CTSS: variants seen among roughly 807,000 people sequenced by gnomAD.
CTSS encodes the protein cathepsin S.
CTSS carries 15 observed loss-of-function variants against 39.9 expected under a neutral mutation model. The observed-to-expected ratio is 0.38, with a 90% confidence interval of 0.25 to 0.58. The LOEUF (loss-of-function observed/expected upper bound fraction) is 0.58, where lower values mean the gene tolerates loss of function less well. Among genes scored for constraint, CTSS ranks in the 20% least tolerant of loss-of-function variants. The pLI is 0.70. For synonymous variants in CTSS, 126 were observed against 138.2 expected (o/e 0.91, Z 0.62); for missense variants, 250 against 398.2 (o/e 0.63, Z 3.17).
chr1:150,750,615 A>G (rs1652989045), intron 5 of CTSS, among the ~76,000 whole-genome samples: 1 of 152,178 alleles, frequency 6.6e-6, no homozygotes, highest in African/African-American at 2.4e-5. Context: ...TTTGTTGTAT[A>G]TACAACTATT....
chr1:150,763,202 C>G (rs1310950188), intron 2 of CTSS, among the ~76,000 whole-genome samples: 2 of 151,704 alleles, frequency 1.3e-5, no homozygotes, highest in Non-Finnish European at 2.9e-5. Flanking sequence ...AAGACAAGTA[C>G]TGCATAATCT....
chr1:150,761,036 A>G (rs890604094), intron 2 of CTSS, among the ~76,000 whole-genome samples: 1 of 151,828 alleles, frequency 6.6e-6, no homozygotes, highest in Non-Finnish European at 1.5e-5. Context: ...AAAATTAGCT[A>G]GGTGTGGTGG....
At chr1:150,735,114 G>C (rs2101908472) in intron 7 of CTSS, among the ~76,000 whole-genome samples, 1 of 152,306 alleles carries the variant, frequency 6.6e-6, no homozygotes. Flanking sequence ...TAGAACAGCA[G>C]GTGGAGGAAC....
chr1:150,764,824 T>G, intron 1 of CTSS, 60 bp from the exon 2 acceptor site: 1 of 1,580,832 alleles, frequency 6.3e-7, no homozygotes, highest in Non-Finnish European at 8.7e-7. Flanking sequence ...TGTGACCACA[T>G]GTTTTCATAA....
At position 150,747,899 on chromosome 1, in the gene CTSS, G is replaced by A. The variant is rs771589626; in HGVS notation, c.794-20C>T. 8.0e-6 allele frequency: 12 copies of A among 1,499,384 alleles called. No individual in the cohort carries two copies. The South Asian group carries it at 1.4e-4, about 17-fold the overall frequency. The allele number at this position is 1,499,384 out of a possible 1,614,324, so 92.9% of individuals were successfully genotyped here. ...AGACACCTGAGAATCAAATATGGGT[G>A]GGAAAAAAGAGTGAATACTATAGGA... On this transcript the variant is annotated intron_variant, in intron 6 of 7. Coordinates refer to ENST00000368985, the MANE Select transcript of CTSS (RefSeq NM_004079.5).
rs751778908 is a variant in CTSS at position 150,764,721 on chromosome 1, C to G, written c.43G>C (p.Val15Leu). The G allele has an allele frequency of 6.2e-7, 1 of 1,614,106 alleles. No individual in the cohort carries two copies. Among genetic ancestry groups the G allele is most frequent in the Non-Finnish European group, 8.5e-7 (1 of 1,179,998 alleles). ...VCVLLVCSSA[V>L]AQLHKDPTLD... The stretch of plus-strand genomic sequence containing the variant: ...GTAGGATCTTTATGCAACTGTGCCA[C>G]TGCAGAGGAGCACACCAAGAGCACA... Residue 15 changes from valine (V) to leucine (L), a missense_variant, in exon 2 of 8, where the codon GTG becomes CTG. Physicochemically the swap from Val to Leu is conservative, Grantham distance 32. Coordinates refer to ENST00000368985, the MANE Select transcript of CTSS (RefSeq NM_004079.5).
chr1:150,757,584 T>A (rs1206245985), intron 3 of CTSS, among the ~76,000 whole-genome samples: 1 of 152,110 alleles, frequency 6.6e-6, no homozygotes, highest in Non-Finnish European at 1.5e-5. Context: ...CTTTAGGTAA[T>A]ACTTTCTAGA....
chr1:150,765,281 T>C (rs1397895203), intron 1 of CTSS, among the ~76,000 whole-genome samples: 1 of 144,488 alleles, frequency 6.9e-6, no homozygotes, highest in Non-Finnish European at 1.5e-5. Flanking sequence ...TAATTTTCCT[T>C]TTTACGTTTT....
At chr1:150,749,641 TTCTC>T (rs922445905) in intron 6 of CTSS, among the ~76,000 whole-genome samples, 2 of 144,904 alleles carry the variant, frequency 1.4e-5, no homozygotes, top group African/African-American at 2.5e-5. Context: ...TCTTCCTTCT[TTCTC>T]TTTCTTTCTT....
intron 2 of CTSS, among the ~76,000 whole-genome samples, chr1:150,762,181 A>T (rs978049325): frequency 6.6e-6 from 1 of 152,222 alleles, no homozygotes; most frequent in Non-Finnish European, 1.5e-5. Flanking sequence ...TGGGGAAAGG[A>T]TAGTCTGTTT....
At chr1:150,751,739 A>G in intron 5 of CTSS, 42 bp downstream of exon 5, 1 of 1,571,542 alleles carries the variant, frequency 6.4e-7, no homozygotes, top group Non-Finnish European at 8.8e-7. Context: ...AGTGGATAAC[A>G]TGAGATCATG....
At chr1:150,742,034 C>A (rs587616457) in intron 7 of CTSS, among the ~76,000 whole-genome samples, 25 of 151,754 alleles carry the variant, frequency 1.6e-4, no homozygotes, top group African/African-American at 6.0e-4. Context: ...GTCAAGAGAT[C>A]GAGATCATCC....
At chr1:150,764,900 T>C (rs1199764331) in intron 1 of CTSS, 136 bp from the exon 2 acceptor site, 2 of 1,003,406 alleles carry the variant, frequency 2.0e-6, no homozygotes, top group South Asian at 1.7e-5. Flanking sequence ...TACAGGAAAA[T>C]TCCTGGGATA....
chr1:150,733,206 T>C (rs1652562208), intron 7 of CTSS, 61 bp from the exon 8 acceptor site: 1 of 1,270,566 alleles, frequency 7.9e-7, no homozygotes, highest in East Asian at 2.4e-5. Flanking sequence ...GTTATCAACT[T>C]TTTATCTCAT....
rs1211748091 is a variant in CTSS at position 150,755,057 on chromosome 1, A to G, written c.343T>C (p.Leu115=). The change falls in exon 4 of 8, where the codon TTG becomes CTG. Residue 115 remains leucine, a synonymous_variant. Transcript: ENST00000368985. The stretch of plus-strand genomic sequence containing the variant: ...TCTCTCCAGTCCACAGAATCAGGCA[A>G]TATCCGATTAGGGTTTGACTTATAT... ...ITYKSNPNRI[L]PDSVDWREKG... 1 of 1,614,014 alleles carries G rather than the reference A, an allele frequency of 6.2e-7. No homozygotes were observed. Among genetic ancestry groups the G allele is most frequent in the East Asian group, 2.2e-5 (1 of 44,894 alleles).
At chr1:150,754,905 C>G (rs1028942167) in intron 4 of CTSS, 96 bp downstream of exon 4, 1 of 1,277,534 alleles carries the variant, frequency 7.8e-7, no homozygotes, top group African/African-American at 1.5e-5. Flanking sequence ...GAAAGTAACA[C>G]GTGGGACTGT....
At chr1:150,742,932 G>C (rs1652799037) in intron 7 of CTSS, among the ~76,000 whole-genome samples, 1 of 152,116 alleles carries the variant, frequency 6.6e-6, no homozygotes, top group Non-Finnish European at 1.5e-5. Flanking sequence ...TATGTTGGTA[G>C]TAGGGTGATG....
rs747541353 is a variant in CTSS at position 150,758,527 on chromosome 1, T to TTTA, written c.127-550_127-548dup. Among the ~76,000 whole-genome samples the TTTA allele has an allele frequency of 1.9e-3, 283 of 151,672 alleles. 2 individuals are homozygous for TTTA. The highest frequency in any genetic ancestry group is 0.015 in the South Asian group (72 of 4,816). On this transcript the variant is annotated intron_variant, in intron 2 of 7. Coordinates refer to ENST00000368985, the MANE Select transcript of CTSS (RefSeq NM_004079.5). ...CATGAATTTCCTTCTCTTTTTAACA[T>TTTA]TTATTATTATTATTATTATTATTTT...
chr1:150,751,750 G>A, intron 5 of CTSS, 31 bp downstream of exon 5: 1 of 1,592,724 alleles, frequency 6.3e-7, no homozygotes, highest in Non-Finnish European at 8.6e-7. Context: ...TGAGATCATG[G>A]GGCAGCACAA....
Sources: allele counts gnomAD v4.1 joint callset (sites outside exome capture counted in the v4.1 genomes callset), GRCh38; gene constraint gnomAD v4.1.1; transcripts MANE v1.5; gene names NCBI Gene and HGNC (gene_info 2026-07-23, HGNC 2026-07-21).